VPS37A: variants seen among roughly 807,000 people sequenced by gnomAD.
VPS37A encodes the protein vacuolar protein sorting-associated protein 37A.
In VPS37A, 30 loss-of-function variants were observed where a neutral mutation model predicts 49.8. The ratio of observed to expected loss-of-function variants is 0.60; its 90% CI spans 0.45 to 0.82. The LOEUF is 0.82. Ranked by LOEUF, VPS37A falls within the 40% of genes least tolerant of loss-of-function variation. The pLI, the probability that VPS37A is intolerant of heterozygous loss-of-function variation, is 0.00. For synonymous variants in VPS37A, 195 were observed against 160.6 expected, an observed-to-expected ratio of 1.21 and a Z score of -1.62; for missense variants, 593 against 464.4, an observed-to-expected ratio of 1.28 and a Z score of -2.55.
At chr8:17,302,706 C>T (rs544899161), downstream of VPS37A, among the ~76,000 whole-genome samples, 12 of 47,900 alleles carry the variant, frequency 2.5e-4, no homozygotes, top group African/African-American at 5.1e-4. Context: ...GGCAATAACC[C>T]CCCCCCCCCC....
At chr8:17,307,156 A>T (rs368214726), downstream of VPS37A, among the ~76,000 whole-genome samples, 114 of 152,190 alleles carry the variant, frequency 7.5e-4, no homozygotes, top group African/African-American at 2.3e-3. Context: ...AAAGGGCTAA[A>T]ATCCAGAATC....
chr8:17,318,301 G>T, the VPS37A span, among the ~76,000 whole-genome samples: 1 of 152,130 alleles, frequency 6.6e-6, no homozygotes, highest in African/African-American at 2.4e-5. Flanking sequence ...ATGCTGCTTA[G>T]GAGCAGCGCT....
intron 6 of VPS37A, among the ~76,000 whole-genome samples, chr8:17,279,026 ATTTCT>A (rs1814784148): frequency 6.6e-6 from 1 of 151,980 alleles, no homozygotes; most frequent in East Asian, 1.9e-4. Context: ...GCCCTCCATT[ATTTCT>A]TTTCTTTAAA....
chr8:17,328,201 A>G, the VPS37A span, among the ~76,000 whole-genome samples: 10 of 150,682 alleles, frequency 6.6e-5, no homozygotes, highest in East Asian at 2.0e-3. Flanking sequence ...CTTTCCTATC[A>G]GTGCCTGCTG....
At chr8:17,278,950 C>T (rs560104361) in intron 6 of VPS37A, among the ~76,000 whole-genome samples, 16 of 152,124 alleles carry the variant, frequency 1.1e-4, no homozygotes, top group East Asian at 1.9e-4. Context: ...AAAAGTTTTG[C>T]TTCCATCCAT....
chr8:17,304,175 A>G (rs1007596311), downstream of VPS37A, among the ~76,000 whole-genome samples: 1 of 152,198 alleles, frequency 6.6e-6, no homozygotes, highest in Non-Finnish European at 1.5e-5. Context: ...CTCCTGAAGA[A>G]AATTCCACAT....
At chr8:17,332,447 T>C in the VPS37A span, among the ~76,000 whole-genome samples, 3,466 of 152,190 alleles carry the variant, frequency 0.023, 130 homozygotes, top group African/African-American at 0.078. Context: ...TACACAATGG[T>C]TTATCATGCC....
downstream of VPS37A, chr8:17,300,036 C>CAGAGCAGAATCTTCA: frequency 6.2e-7 from 1 of 1,614,138 alleles, no homozygotes; most frequent in East Asian, 2.2e-5. Flanking sequence ...GGGTTAGAAT[C>CAGAGCAGAATCTTCA]AGAGCAGAAT....
chr8:17,312,554 G>A, the VPS37A span, among the ~76,000 whole-genome samples: 3 of 135,922 alleles, frequency 2.2e-5, no homozygotes, highest in Non-Finnish European at 4.6e-5. Flanking sequence ...CAGCCTGGGT[G>A]ACAGAGCGAG....
At chr8:17,287,163 G>T (rs1324099992) in intron 11 of VPS37A, among the ~76,000 whole-genome samples, 1 of 152,000 alleles carries the variant, frequency 6.6e-6, no homozygotes, top group East Asian at 1.9e-4. Context: ...TTTTGTTTTA[G>T]GAATGATTTG....
At chr8:17,263,760 A>T (rs1422050130) in intron 1 of VPS37A, among the ~76,000 whole-genome samples, 1 of 152,182 alleles carries the variant, frequency 6.6e-6, no homozygotes, top group Non-Finnish European at 1.5e-5. Context: ...CCTAGCCAGC[A>T]TGGTGAAACC....
At chr8:17,293,889 C>T (rs1816369600) in intron 11 of VPS37A, among the ~76,000 whole-genome samples, 1 of 152,228 alleles carries the variant, frequency 6.6e-6, no homozygotes. Flanking sequence ...TGTCTGTCAA[C>T]CCCTGCTGGG....
the VPS37A span, chr8:17,313,543 C>T: frequency 3.6e-6 from 2 of 550,318 alleles, no homozygotes; most frequent in South Asian, 3.1e-5. Flanking sequence ...AAAATAAATA[C>T]CCACGTTTAC....
At chr8:17,301,235 G>A (rs1817089933), downstream of VPS37A, among the ~76,000 whole-genome samples, 1 of 152,200 alleles carries the variant, frequency 6.6e-6, no homozygotes, top group Non-Finnish European at 1.5e-5. Flanking sequence ...GCAGAGAGAG[G>A]CAGAGTTCAT....
downstream of VPS37A, chr8:17,305,990 C>G (rs1397930575): frequency 6.5e-7 from 1 of 1,534,578 alleles, no homozygotes; most frequent in South Asian, 1.2e-5. Flanking sequence ...CTTTTTAAGG[C>G]AGATTTATTT....
chr8:17,252,090 G>A (rs184940898), intron 1 of VPS37A, among the ~76,000 whole-genome samples: 8 of 152,224 alleles, frequency 5.3e-5, no homozygotes, highest in South Asian at 2.1e-4. Context: ...TCAACCCGTC[G>A]CATGTTATAT....
At chr8:17,325,544 C>G in the VPS37A span, among the ~76,000 whole-genome samples, 1 of 152,188 alleles carries the variant, frequency 6.6e-6, no homozygotes, top group African/African-American at 2.4e-5. Flanking sequence ...GGCCCCCTTT[C>G]ATTCAGTCCC....
intron 11 of VPS37A, among the ~76,000 whole-genome samples, chr8:17,290,861 T>G (rs1816075973): frequency 6.6e-6 from 1 of 152,222 alleles, no homozygotes; most frequent in Non-Finnish European, 1.5e-5. Flanking sequence ...AACTTGTTAT[T>G]GGTCTATTCA....
At chr8:17,302,471 T>C (rs1439753710), downstream of VPS37A, 2 of 531,676 alleles carry the variant, frequency 3.8e-6, no homozygotes, top group Non-Finnish European at 6.4e-6. Flanking sequence ...GTAAATGCCT[T>C]TTGGGGAGAA....
Sources: gnomAD v4.1 joint callset for allele counts (sites outside exome capture counted in the v4.1 genomes callset) on GRCh38, gnomAD v4.1.1 for gene constraint, MANE v1.5 for transcripts, NCBI Gene and HGNC (gene_info 2026-07-23, HGNC 2026-07-21) for gene names.